Variants in SNTG2 observed in about 807,000 individuals in gnomAD.
The protein encoded by SNTG2 is syntrophin gamma 2.
In SNTG2, 74 loss-of-function variants were observed where a neutral mutation model predicts 70.9. The ratio of observed to expected loss-of-function variants is 1.04; its 90% CI spans 0.86 to 1.27. The LOEUF (loss-of-function observed/expected upper bound fraction) is 1.27. SNTG2 is among the 50% of genes most tolerant of loss of function. SNTG2 has a pLI of 0.00. For missense variants in SNTG2, 717 were observed against 690.7 expected (o/e 1.04, Z -0.43); for synonymous variants, 278 against 273.8 (o/e 1.02, Z -0.15).
chr2:1,233,340 G>A (rs1676386573), intron 9 of SNTG2, among the ~76,000 whole-genome samples: 1 of 152,154 alleles, frequency 6.6e-6, no homozygotes, highest in Admixed American at 6.5e-5. Flanking sequence ...CTCTGTGATT[G>A]GTTTCCGCTG....
At chr2:1,000,932 A>G (rs1164292554) in intron 1 of SNTG2, among the ~76,000 whole-genome samples, 1 of 151,962 alleles carries the variant, frequency 6.6e-6, no homozygotes, top group Non-Finnish European at 1.5e-5. Flanking sequence ...TCATGATCAG[A>G]TGAGTTTTAA....
intron 1 of SNTG2, among the ~76,000 whole-genome samples, chr2:961,495 C>T (rs549294284): frequency 6.6e-6 from 1 of 152,208 alleles, no homozygotes; most frequent in African/African-American, 2.4e-5. Context: ...CACGGTGTGC[C>T]CAGGAAATGT....
In SNTG2 at chr2:1,341,882, G is replaced by C. The variant is rs551300981; in HGVS notation, c.1489-25461G>C. ...TTTTTTTGAGATAGGGTCTTACTCT[G>C]TTGCCCAGGCTAGAGTGCAGTGGCA... On this transcript the variant is annotated intron_variant, in intron 16 of 16. Coordinates refer to ENST00000308624, the MANE Select transcript of SNTG2 (RefSeq NM_018968.4). Among the ~76,000 whole-genome samples the C allele has an allele frequency of 1.6e-3, 211 of 131,748 alleles. 3 individuals are homozygous for C. Among genetic ancestry groups the C allele is most frequent in the East Asian group, 9.6e-3 (42 of 4,394 alleles). 86.4% of individuals were successfully genotyped at this position (131,748 alleles called of 152,430 possible).
chr2:1,281,155 C>T (rs563644251), intron 14 of SNTG2, among the ~76,000 whole-genome samples: 9 of 151,508 alleles, frequency 5.9e-5, no homozygotes, highest in African/African-American at 2.2e-4. Context: ...GTCTTGGAGG[C>T]TGGGTAACTG....
chr2:1,247,303 T>C lies in SNTG2; in HGVS notation c.889-24T>C, dbSNP rs201644109. 4.9e-4 allele frequency: 608 copies of C among 1,251,852 alleles called. 9 individuals are homozygous for C. The African/African-American group carries it at 8.6e-3, about 18-fold the overall frequency. 77.5% of individuals were successfully genotyped at this position (1,251,852 alleles called of 1,614,324 possible). On this transcript the variant is annotated intron_variant, in intron 11 of 16. Transcript: ENST00000308624. The stretch of plus-strand genomic sequence containing the variant: ...ACAGTATGCCCTCATTAAGGCTTGG[T>C]TTGTAATTTTCACCCCTCTGCAGGT...
At chr2:1,314,769 G>A (rs926937748) in intron 15 of SNTG2, among the ~76,000 whole-genome samples, 1 of 152,174 alleles carries the variant, frequency 6.6e-6, no homozygotes, top group African/African-American at 2.4e-5. Flanking sequence ...CACATGGCTG[G>A]GGAGGCCTCA....
chr2:1,225,582 G>A (rs1192667551), intron 9 of SNTG2, among the ~76,000 whole-genome samples: 3 of 152,102 alleles, frequency 2.0e-5, no homozygotes, highest in African/African-American at 7.2e-5. Flanking sequence ...CGTAGCTTAC[G>A]GTTGGCAGGA....
chr2:1,203,688 A>ATG (rs1212941061), intron 8 of SNTG2, among the ~76,000 whole-genome samples: 1 of 134,344 alleles, frequency 7.4e-6, no homozygotes, highest in Admixed American at 7.8e-5. Context: ...ATATATATAT[A>ATG]TATGTGTGTG....
chr2:1,028,039 T>C (rs1351614135), intron 1 of SNTG2, among the ~76,000 whole-genome samples: 1 of 150,684 alleles, frequency 6.6e-6, no homozygotes, highest in African/African-American at 2.5e-5. Flanking sequence ...TGCATCTCTG[T>C]TGAGTAAAGA....
chr2:1,081,759 G>C (rs1664312879), intron 1 of SNTG2, among the ~76,000 whole-genome samples: 1 of 152,252 alleles, frequency 6.6e-6, no homozygotes, highest in Non-Finnish European at 1.5e-5. Context: ...CCCGTGTACA[G>C]CCCCCTGGGG....
chr2:1,058,313 C>G (rs1308807883), intron 1 of SNTG2, among the ~76,000 whole-genome samples: 1 of 152,060 alleles, frequency 6.6e-6, no homozygotes, highest in African/African-American at 2.4e-5. Flanking sequence ...GGTAAAAGTA[C>G]AGGCAGAGTA....
chr2:1,273,748 A>G (rs1418065843), intron 14 of SNTG2, among the ~76,000 whole-genome samples: 1 of 151,900 alleles, frequency 6.6e-6, no homozygotes, highest in East Asian at 1.9e-4. Context: ...ACCTCTGGTT[A>G]TGCAAATATT....
chr2:1,155,488 A>G (rs915772829), intron 6 of SNTG2, among the ~76,000 whole-genome samples: 8 of 9,172 alleles, frequency 8.7e-4, no homozygotes, highest in African/African-American at 1.8e-3. Flanking sequence ...CCAGAGAAAT[A>G]CTACAGCCAG....
rs56246912 is a variant in SNTG2, at chr2:1,005,806, AATATATATATATATATATATATATAT to A, written c.72+54782_72+54807del. ...GCGACAGAGCAAGACTCTGCCTCAA[AATATATATATATATATATATATATAT>A]ATATATATATATATATATATATATA... On this transcript the variant is annotated intron_variant, in intron 1 of 16. Transcript: ENST00000308624. 4.1e-3 allele frequency among the ~76,000 whole-genome samples: 127 copies of A among 31,246 alleles called. 2 individuals carry two copies. The highest frequency in any genetic ancestry group is 6.4e-3 in the Admixed American group (15 of 2,354). The allele number at this position is 31,246 out of a possible 152,430, so 20.5% of individuals were successfully genotyped here.
intron 8 of SNTG2, among the ~76,000 whole-genome samples, chr2:1,208,207 GCCTGTGAGCGCGGGTTACA>G (rs1673773651): frequency 6.6e-6 from 1 of 150,838 alleles, no homozygotes; most frequent in Non-Finnish European, 1.5e-5. Context: ...TGTGGGGCTT[GCCTGTGAGCGCGGGTTACA>G]CCTGTGAGTG....
intron 1 of SNTG2, among the ~76,000 whole-genome samples, chr2:986,065 A>AAGAGAGAGAGAG (rs1491475263): frequency 1.6e-4 from 10 of 62,804 alleles, no homozygotes; most frequent in Admixed American, 1.2e-3. Context: ...CCCTGCAAAT[A>AAGAGAGAGAGAG]ATAGAGAGAG....
intron 4 of SNTG2, 66 bp from the exon 5 acceptor site, chr2:1,137,556 A>C (rs1486820813): frequency 1.9e-6 from 3 of 1,558,188 alleles, no homozygotes. Flanking sequence ...TGCTTAAATG[A>C]CTGTCATAAC....
chr2:1,265,483 C>G (rs1374578433), intron 13 of SNTG2, among the ~76,000 whole-genome samples: 1 of 152,208 alleles, frequency 6.6e-6, no homozygotes, highest in Non-Finnish European at 1.5e-5. Flanking sequence ...GGATGATGCA[C>G]AGGGATAAAT....
Position 1,365,266 on chromosome 2 carries a change from C to T in SNTG2, c.1489-2077C>T, listed in dbSNP as rs781187971. Among the ~76,000 whole-genome samples the T allele has an allele frequency of 1.2e-4, 19 of 152,276 alleles. 1 individual carries two copies. In the East Asian group the frequency reaches 1.4e-3, roughly 11 times the overall value. Reference sequence around the variant, plus strand: ...GGATGCTGGTTACCAAGTGTAATGACGCTTTATGAAACTACCTAAAGACTA... The same window carrying T: ...GGATGCTGGTTACCAAGTGTAATGATGCTTTATGAAACTACCTAAAGACTA... On this transcript the variant is annotated intron_variant, in intron 16 of 16. Transcript: ENST00000308624.
Sources: gnomAD v4.1 joint callset for allele counts (sites outside exome capture counted in the v4.1 genomes callset) on GRCh38, gnomAD v4.1.1 for gene constraint, MANE v1.5 for transcripts, NCBI Gene and HGNC (gene_info 2026-07-23, HGNC 2026-07-21) for gene names.